The following OR10Z1 variants were observed in gnomAD, a reference collection of about 807,000 sequenced individuals.
The protein encoded by OR10Z1 is olfactory receptor family 10 subfamily Z member 1, also known as olfactory receptor 10Z1.
For missense variants in OR10Z1, 468 were observed against 371.0 expected (o/e 1.26, Z -2.15); for synonymous variants, 187 against 151.2 (o/e 1.24, Z -1.74).
At position 158,611,747 on chromosome 1, in the gene OR10Z1, T is replaced by C. The variant is rs931176163; in HGVS notation, c.*4367T>C. On this transcript the variant is annotated 3_prime_UTR_variant, in exon 2 of 2. Transcript: ENST00000641002. Reference sequence around the variant, plus strand: ...GAGATGTGGGGACTAGCATGTTTTATGAGTAAGGTAAAATACTCAAGAAGG... The same window carrying C: ...GAGATGTGGGGACTAGCATGTTTTACGAGTAAGGTAAAATACTCAAGAAGG... 4.0e-6 allele frequency: 1 copy of C among 253,052 alleles called. No individual in the cohort carries two copies. The highest frequency in any genetic ancestry group is 2.3e-5 in the African/African-American group (1 of 43,218). 15.7% of individuals were successfully genotyped at this position (253,052 alleles called of 1,614,324 possible).
At chr1:158,605,840 A>G (rs2101735468) in intron 1 of OR10Z1, among the ~76,000 whole-genome samples, 1 of 152,326 alleles carries the variant, frequency 6.6e-6, no homozygotes, top group Middle Eastern at 3.4e-3. Flanking sequence ...ATCCATCAAG[A>G]TCAAGTTTCC....
rs746623140 is a variant in OR10Z1, at chr1:158,611,322, C to A, written c.*3942C>A. ...GTAGTCATAGCCAGAGAGATGGCTT[C>A]GACCCCGTGGGTCCATATATTGCTG... On this transcript the variant is annotated 3_prime_UTR_variant, in exon 2 of 2. Transcript: ENST00000641002. The A allele has an allele frequency of 6.2e-7, 1 of 1,613,670 alleles. No homozygotes were observed.
chr1:158,607,427 C>A lies in OR10Z1; in HGVS notation c.*47C>A. The A allele has an allele frequency of 6.9e-7, 1 of 1,443,178 alleles. No individual in the cohort carries two copies. Among genetic ancestry groups the A allele is most frequent in the Non-Finnish European group, 9.5e-7 (1 of 1,050,294 alleles). 89.4% of individuals were successfully genotyped at this position (1,443,178 alleles called of 1,614,324 possible). On this transcript the variant is annotated 3_prime_UTR_variant, in exon 2 of 2. Transcript: ENST00000641002. ...TTCTTCTGTGTAGGCTGGGCATAGACCAAGAACCCAAGCCAAAGGGCCAGG... is the reference window on the plus strand; with the variant it reads ...TTCTTCTGTGTAGGCTGGGCATAGAACAAGAACCCAAGCCAAAGGGCCAGG...
chr1:158,611,606 T>C lies in OR10Z1; in HGVS notation c.*4226T>C. 1 of 485,374 alleles carries C rather than the reference T, an allele frequency of 2.1e-6. No homozygotes were observed. Among genetic ancestry groups the C allele is most frequent in the Non-Finnish European group, 3.7e-6 (1 of 273,400 alleles). The allele number at this position is 485,374 out of a possible 1,614,324, so 30.1% of individuals were successfully genotyped here. On this transcript the variant is annotated 3_prime_UTR_variant, in exon 2 of 2. Coordinates refer to ENST00000641002, the MANE Select transcript of OR10Z1 (RefSeq NM_001004478.2). ...CCCTTTCTTGAAAAAGAGAGCTTAC[T>C]CACTTTGATTATTCTGTAAATCTCA...
chr1:158,607,221 G>T lies in OR10Z1; in HGVS notation c.783G>T (p.Arg261Ser). ...GCTGTGCTTCCTTCGTGTACCTGAG[G>T]CCCAAAGCCAGCTACTCTCTTGAGA... ...HYGCASFVYL[R>S]PKASYSLERD... Residue 261 changes from arginine (R) to serine (S), a missense_variant, in exon 2 of 2, where the codon AGG becomes AGT. Arg to Ser is a moderately radical substitution (Grantham distance 110, BLOSUM62 -1). Coordinates refer to ENST00000641002, the MANE Select transcript of OR10Z1 (RefSeq NM_001004478.2). The T allele has an allele frequency of 6.2e-7, 1 of 1,613,988 alleles. No homozygotes were observed. The highest frequency in any genetic ancestry group is 8.5e-7 in the Non-Finnish European group (1 of 1,179,946).
In OR10Z1 at chr1:158,611,105, T is replaced by A; in HGVS notation, c.*3725T>A. On this transcript the variant is annotated 3_prime_UTR_variant, in exon 2 of 2. Transcript: ENST00000641002. ...CTTGAGATTTTTTAAGATCCTACAATAAATGTAATATGCACACAAACACAA... is the reference window on the plus strand; with the variant it reads ...CTTGAGATTTTTTAAGATCCTACAAAAAATGTAATATGCACACAAACACAA... The A allele has an allele frequency of 1.0e-6, 1 of 956,814 alleles. No homozygotes were observed. Among genetic ancestry groups the A allele is most frequent in the East Asian group, 2.7e-5 (1 of 36,382 alleles). 59.3% of individuals were successfully genotyped at this position (956,814 alleles called of 1,614,324 possible).
Position 158,609,244 on chromosome 1 carries a change from A to G in OR10Z1, c.*1864A>G, listed in dbSNP as rs1649140672. ...ATTTTTTCATGCTTTCAGGAAAGAA[A>G]TACATCCTCTAATTGGAATTTGATG... On this transcript the variant is annotated 3_prime_UTR_variant, in exon 2 of 2. Transcript: ENST00000641002. 1 of 152,188 alleles carries G rather than the reference A, an allele frequency of 6.6e-6. No individual in the cohort carries two copies. Among genetic ancestry groups the G allele is most frequent in the Admixed American group, 6.5e-5 (1 of 15,272 alleles). The allele number at this position is 152,188 out of a possible 1,614,324, so 9.4% of individuals were successfully genotyped here. A position where few individuals can be genotyped will look rare whatever the true frequency, so the allele number is the denominator to read the frequency against.
Position 158,606,853 on chromosome 1 carries a change from A to AC in OR10Z1, c.418dup (p.Leu140ProfsTer34). 1 of 1,613,388 alleles carries AC rather than the reference A, an allele frequency of 6.2e-7. No homozygotes were observed. Among genetic ancestry groups the AC allele is most frequent in the Non-Finnish European group, 8.5e-7 (1 of 1,179,846 alleles). On this transcript the variant is annotated frameshift_variant, in exon 2 of 2. Coordinates refer to ENST00000641002, the MANE Select transcript of OR10Z1 (RefSeq NM_001004478.2). LOFTEE classifies it low-confidence loss of function (END_TRUNC). ...CCACTATGCCAGCCACATGAATCCT[A>AC]CCCTCTGTGCCCAGCTGGTCATTAC...
chr1:158,611,600 G>C lies in OR10Z1; in HGVS notation c.*4220G>C, dbSNP rs144336958. The C allele has an allele frequency of 2.0e-6, 1 of 501,942 alleles. No individual in the cohort carries two copies. Among genetic ancestry groups the C allele is most frequent in the Non-Finnish European group, 3.5e-6 (1 of 285,682 alleles). 31.1% of individuals were successfully genotyped at this position (501,942 alleles called of 1,614,324 possible). A position where few individuals can be genotyped will look rare whatever the true frequency, so the allele number is the denominator to read the frequency against. ...TCTCAGCCCTTTCTTGAAAAAGAGA[G>C]CTTACTCACTTTGATTATTCTGTAA... On this transcript the variant is annotated 3_prime_UTR_variant, in exon 2 of 2. Transcript: ENST00000641002.
In OR10Z1 at chr1:158,610,541, A is replaced by G. The variant is rs1478082256; in HGVS notation, c.*3161A>G. ...ATTACATTAAAACTTAAGAGAAAAT[A>G]CGGGAGCTTGGAGGACAAGAGAAAG... is the stretch of plus-strand genomic sequence containing the variant. On this transcript the variant is annotated 3_prime_UTR_variant, in exon 2 of 2. Coordinates refer to ENST00000641002, the MANE Select transcript of OR10Z1 (RefSeq NM_001004478.2). 6.6e-6 allele frequency: 1 copy of G among 152,122 alleles called. No homozygotes were observed. Among genetic ancestry groups the G allele is most frequent in the Non-Finnish European group, 1.5e-5 (1 of 68,022 alleles). The allele number at this position is 152,122 out of a possible 1,614,324, so 9.4% of individuals were successfully genotyped here. A position where few individuals can be genotyped will look rare whatever the true frequency, so the allele number is the denominator to read the frequency against.
chr1:158,611,562 A>C lies in OR10Z1; in HGVS notation c.*4182A>C, dbSNP rs1314970556. The C allele has an allele frequency of 1.1e-5, 7 of 640,252 alleles. No homozygotes were observed. Among genetic ancestry groups the C allele is most frequent in the Admixed American group, 3.2e-5 (1 of 31,362 alleles). 39.7% of individuals were successfully genotyped at this position (640,252 alleles called of 1,614,324 possible). A position where few individuals can be genotyped will look rare whatever the true frequency, so the allele number is the denominator to read the frequency against. On this transcript the variant is annotated 3_prime_UTR_variant, in exon 2 of 2. Transcript: ENST00000641002. ...ATAAATTTATAATTTCTAATGAGTA[A>C]CTTAACTTTTAATCTCAGCCCTTTC...
rs1343575493 is a variant in OR10Z1, at chr1:158,609,397, A to G, written c.*2017A>G. ...AAGGCCATCTACTCTGAAGTTCTCA[A>G]TATTGGAAGAAGTAATGCCTCATTG... On this transcript the variant is annotated 3_prime_UTR_variant, in exon 2 of 2. Transcript: ENST00000641002. 1.3e-5 allele frequency: 2 copies of G among 152,166 alleles called. No individual in the cohort carries two copies. The highest frequency in any genetic ancestry group is 2.4e-5 in the African/African-American group (1 of 41,450). The allele number at this position is 152,166 out of a possible 1,614,324, so 9.4% of individuals were successfully genotyped here.
Position 158,605,998 on chromosome 1 carries a change from T to C in OR10Z1, c.-113-328T>C, listed in dbSNP as rs187213640. The stretch of plus-strand genomic sequence containing the variant: ...TGTGTATCTACGAATTTGCATGCTA[T>C]CTATATACATATGTGTTTGTAATGT... On this transcript the variant is annotated intron_variant, in intron 1 of 1. Transcript: ENST00000641002. Among the ~76,000 whole-genome samples, 552 of 152,366 alleles carry C rather than the reference T, an allele frequency of 3.6e-3. 1 individual carries two copies. Among genetic ancestry groups the C allele is most frequent in the Non-Finnish European group, 6.3e-3 (430 of 68,040 alleles).
rs1297919623 is a variant in OR10Z1 at position 158,611,187 on chromosome 1, C to T, written c.*3807C>T. The stretch of plus-strand genomic sequence containing the variant: ...CACACGAGGCCATCTTTATCTTCCA[C>T]ATTTGCCTGTACTCTTTGCCCCCCA... On this transcript the variant is annotated 3_prime_UTR_variant, in exon 2 of 2. Coordinates refer to ENST00000641002, the MANE Select transcript of OR10Z1 (RefSeq NM_001004478.2). 1 of 1,539,508 alleles carries T rather than the reference C, an allele frequency of 6.5e-7. No individual in the cohort carries two copies. The highest frequency in any genetic ancestry group is 1.4e-5 in the African/African-American group (1 of 72,722).
chr1:158,611,333 G>T lies in OR10Z1; in HGVS notation c.*3953G>T. Reference sequence around the variant, plus strand: ...CAGAGAGATGGCTTCGACCCCGTGGGTCCATATATTGCTGCATATGTGTGG... The same window carrying T: ...CAGAGAGATGGCTTCGACCCCGTGGTTCCATATATTGCTGCATATGTGTGG... On this transcript the variant is annotated 3_prime_UTR_variant, in exon 2 of 2. Coordinates refer to ENST00000641002, the MANE Select transcript of OR10Z1 (RefSeq NM_001004478.2). The T allele has an allele frequency of 1.2e-6, 2 of 1,613,770 alleles. No individual in the cohort carries two copies. The highest frequency in any genetic ancestry group is 1.7e-6 in the Non-Finnish European group (2 of 1,179,774).
chr1:158,608,363 C>T lies in OR10Z1; in HGVS notation c.*983C>T, dbSNP rs1469161109. ...GTAATGAACTCACAAGACCGTCAGGCAGGAGTTTGAATCCAAACTCTTCAA... is the reference window on the plus strand; with the variant it reads ...GTAATGAACTCACAAGACCGTCAGGTAGGAGTTTGAATCCAAACTCTTCAA... On this transcript the variant is annotated 3_prime_UTR_variant, in exon 2 of 2. Transcript: ENST00000641002. 10 of 152,140 alleles carry T rather than the reference C, an allele frequency of 6.6e-5. No individual in the cohort carries two copies. The highest frequency in any genetic ancestry group is 1.7e-4 in the African/African-American group (7 of 41,440). 9.4% of individuals were successfully genotyped at this position (152,140 alleles called of 1,614,324 possible).
At position 158,607,039 on chromosome 1, in the gene OR10Z1, A is replaced by G; in HGVS notation, c.601A>G (p.Ile201Val). The change falls in exon 2 of 2, where the codon ATC becomes GTC. Residue 201 changes from isoleucine to valine, a missense_variant. Coordinates refer to ENST00000641002, the MANE Select transcript of OR10Z1 (RefSeq NM_001004478.2). ...DTGPSELRIF[I>V]LSLLVLLVSF... The stretch of plus-strand genomic sequence containing the variant: ...AGGCCCGAGTGAGCTGAGGATCTTT[A>G]TCCTCAGTCTTTTGGTCCTCTTGGT... The G allele has an allele frequency of 6.2e-7, 1 of 1,613,952 alleles. No individual in the cohort carries two copies. The highest frequency in any genetic ancestry group is 8.5e-7 in the Non-Finnish European group (1 of 1,179,960).
Position 158,611,345 on chromosome 1 carries a change from C to T in OR10Z1, c.*3965C>T. On this transcript the variant is annotated 3_prime_UTR_variant, in exon 2 of 2. Coordinates refer to ENST00000641002, the MANE Select transcript of OR10Z1 (RefSeq NM_001004478.2). ...TTCGACCCCGTGGGTCCATATATTG[C>T]TGCATATGTGTGGCACAGAATGACA... 6.2e-7 allele frequency: 1 copy of T among 1,613,706 alleles called. No individual in the cohort carries two copies. The highest frequency in any genetic ancestry group is 8.5e-7 in the Non-Finnish European group (1 of 1,179,762).
rs374235146 is a variant in OR10Z1 at position 158,611,250 on chromosome 1, C to T, written c.*3870C>T. The T allele has an allele frequency of 3.5e-5, 56 of 1,613,056 alleles. No individual in the cohort carries two copies. Among genetic ancestry groups the T allele is most frequent in the African/African-American group, 1.5e-4 (11 of 74,816 alleles). On this transcript the variant is annotated 3_prime_UTR_variant, in exon 2 of 2. Transcript: ENST00000641002. ...CGACACTAAGATTTTCTACGATCCACGAGGAGCTGCTTATTAGTTGCCAAA... is the reference window on the plus strand; with the variant it reads ...CGACACTAAGATTTTCTACGATCCATGAGGAGCTGCTTATTAGTTGCCAAA...
Sources: allele counts gnomAD v4.1 joint callset (sites outside exome capture counted in the v4.1 genomes callset), GRCh38; gene constraint gnomAD v4.1.1; transcripts MANE v1.5; gene names NCBI Gene and HGNC (gene_info 2026-07-23, HGNC 2026-07-21).